The following DIAPH2 variants were observed in gnomAD, a reference collection of about 807,000 sequenced individuals.
DIAPH2 encodes the protein protein diaphanous homolog 2.
Under a neutral mutation model 92.7 loss-of-function variants are expected in DIAPH2, and 35 were observed. The observed-to-expected ratio is 0.38, with a 90% CI of 0.29 to 0.50. The LOEUF (loss-of-function observed/expected upper bound fraction) is 0.50. Among genes scored for constraint, DIAPH2 ranks in the 20% least tolerant of loss-of-function variants. DIAPH2 has a pLI of 0.94. For missense variants in DIAPH2, 701 were observed against 819.5 expected (o/e 0.86, Z 1.77); for synonymous variants, 301 against 280.4 (o/e 1.07, Z -0.73).
intron 4 of DIAPH2, among the ~76,000 whole-genome samples, chrX:96,784,187 A>G (rs1340323095): frequency 1.8e-5 from 2 of 112,438 alleles, no homozygotes; most frequent in Non-Finnish European, 3.8e-5. Context: ...AATGACAAAG[A>G]CAGATTACAT....
intron 21 of DIAPH2, among the ~76,000 whole-genome samples, chrX:97,133,931 T>C (rs186315934): frequency 3.0e-4 from 34 of 112,386 alleles, no homozygotes; most frequent in African/African-American, 1.0e-3. Flanking sequence ...TGAAACCCGA[T>C]GTCTGCAACT....
intron 17 of DIAPH2, among the ~76,000 whole-genome samples, chrX:97,065,120 T>G (rs193247314): frequency 9.0e-6 from 1 of 111,667 alleles, no homozygotes; most frequent in East Asian, 2.8e-4. Flanking sequence ...TTCTTAGTAC[T>G]TTGTTTGATG....
chrX:97,282,814 G>T (rs1293605837), intron 23 of DIAPH2, among the ~76,000 whole-genome samples: 1 of 111,469 alleles, frequency 9.0e-6, no homozygotes, highest in Non-Finnish European at 1.9e-5. Flanking sequence ...TATGCTCATG[G>T]TTTTGCTTTG....
intron 22 of DIAPH2, among the ~76,000 whole-genome samples, chrX:97,217,271 C>T (rs1211141922): frequency 9.0e-6 from 1 of 111,535 alleles, no homozygotes; most frequent in East Asian, 2.8e-4. Context: ...CATCTGGTTT[C>T]CTTGGGCCGA....
intron 23 of DIAPH2, among the ~76,000 whole-genome samples, chrX:97,268,560 A>G (rs1432726227): frequency 2.7e-5 from 3 of 112,328 alleles, no homozygotes; most frequent in African/African-American, 9.7e-5. Flanking sequence ...GGTGTGGTCT[A>G]TTGGGAAAGA....
chrX:96,796,157 TA>T lies in DIAPH2; in HGVS notation c.447+37900del, dbSNP rs1162946830. ...TTTCTAATTTCCTTTTTTTGTTTTT[TA>T]TTTTTTTATTTTTAGTTTTGTTTTG... On this transcript the variant is annotated intron_variant, in intron 4 of 26. Transcript: ENST00000324765. Among the ~76,000 whole-genome samples, 6 of 112,083 alleles carry T rather than the reference TA, an allele frequency of 5.4e-5. No individual in the cohort carries two copies. In the East Asian group the frequency reaches 1.7e-3, roughly 31 times the overall value.
intron 4 of DIAPH2, among the ~76,000 whole-genome samples, chrX:96,824,942 T>C (rs2064803311): frequency 9.2e-6 from 1 of 108,376 alleles, no homozygotes. Context: ...TGTTTTTCTT[T>C]CTTTTTTTTT....
intron 23 of DIAPH2, among the ~76,000 whole-genome samples, chrX:97,296,429 A>C (rs953737487): frequency 2.7e-5 from 3 of 112,016 alleles, no homozygotes; most frequent in Non-Finnish European, 3.8e-5. Context: ...ATTATTTTAT[A>C]ATTATCCATA....
intron 4 of DIAPH2, among the ~76,000 whole-genome samples, chrX:96,817,992 C>CT (rs1386104399): frequency 1.6e-5 from 1 of 62,385 alleles, no homozygotes; most frequent in Non-Finnish European, 3.0e-5. Context: ...TTTTTTTTTG[C>CT]TTTTTTTGAG....
In DIAPH2 at chrX:97,170,398, A is replaced by G. The variant is rs904193529; in HGVS notation, c.2719+28604A>G. 5.3e-5 allele frequency among the ~76,000 whole-genome samples: 6 copies of G among 112,340 alleles called. No homozygotes were observed. In the Admixed American group the frequency reaches 5.7e-4, roughly 11 times the overall value. ...AGAAATAAAATGGTATTTAAATCAT[A>G]TCCTGCAAGCCATCTGATAAAAGTC... is the stretch of plus-strand genomic sequence containing the variant. On this transcript the variant is annotated intron_variant, in intron 22 of 26. Transcript: ENST00000324765.
At chrX:96,925,009 G>A (rs1385882332) in intron 9 of DIAPH2, among the ~76,000 whole-genome samples, 2 of 110,371 alleles carry the variant, frequency 1.8e-5, no homozygotes, top group African/African-American at 3.3e-5. Context: ...TTCTATGCTT[G>A]ACCCTTAAAT....
chrX:97,329,994 G>A (rs1246985099), intron 23 of DIAPH2, among the ~76,000 whole-genome samples: 1 of 106,291 alleles, frequency 9.4e-6, no homozygotes, highest in Admixed American at 1.0e-4. Context: ...TTGCCTAGGG[G>A]AGAAGGAGAA....
chrX:97,214,501 A>T (rs2067866640), intron 22 of DIAPH2, among the ~76,000 whole-genome samples: 1 of 109,605 alleles, frequency 9.1e-6, no homozygotes, highest in Admixed American at 9.7e-5. Context: ...TAATGTCTTC[A>T]TATTTAAAAT....
chrX:96,806,614 C>A (rs1432703035), intron 4 of DIAPH2, among the ~76,000 whole-genome samples: 1 of 87,160 alleles, frequency 1.1e-5, no homozygotes, highest in African/African-American at 4.5e-5. Flanking sequence ...CCATTGCACT[C>A]CAGCCTGGGC....
chrX:97,109,369 C>T (rs968751101), intron 20 of DIAPH2, among the ~76,000 whole-genome samples: 1 of 111,485 alleles, frequency 9.0e-6, no homozygotes, highest in South Asian at 3.8e-4. Context: ...TTGCAGTGAG[C>T]TGTGATCACC....
chrX:96,884,297 G>A (rs1369498408), intron 5 of DIAPH2: 4 of 1,198,567 alleles, frequency 3.3e-6, no homozygotes, highest in Non-Finnish European at 4.5e-6. Flanking sequence ...TCCTCAGCCT[G>A]AGCTGTCTTG....
intron 1 of DIAPH2, among the ~76,000 whole-genome samples, chrX:96,695,900 A>G (rs1290799078): frequency 8.9e-6 from 1 of 111,840 alleles, no homozygotes; most frequent in East Asian, 2.8e-4. Context: ...ATCCTCACTC[A>G]TCACCACGTA....
rs1005002508 is a variant in DIAPH2 at position 97,586,265 on chromosome X, C to A, written c.3242-12988C>A. ...TGAACTCATCATCACCTGGAATGCA[C>A]CTTTTTCTCCTATATATTCTTAGAT... On this transcript the variant is annotated intron_variant, in intron 26 of 26. Coordinates refer to ENST00000324765, the MANE Select transcript of DIAPH2 (RefSeq NM_006729.5). Among the ~76,000 whole-genome samples, 18 of 110,543 alleles carry A rather than the reference C, an allele frequency of 1.6e-4. No homozygotes were observed. The Admixed American group carries it at 1.7e-3, about 11-fold the overall frequency.
chrX:97,207,300 A>G (rs1284722741), intron 22 of DIAPH2, among the ~76,000 whole-genome samples: 1 of 111,827 alleles, frequency 8.9e-6, no homozygotes, highest in Non-Finnish European at 1.9e-5. Flanking sequence ...GCACTTTAAT[A>G]TTTTAAACCC....
Sources: gnomAD v4.1 joint callset for allele counts (sites outside exome capture counted in the v4.1 genomes callset) on GRCh38, gnomAD v4.1.1 for gene constraint, MANE v1.5 for transcripts, NCBI Gene and HGNC (gene_info 2026-07-23, HGNC 2026-07-21) for gene names.